Variants in RPUSD3 observed in about 807,000 individuals in gnomAD.
RPUSD3 encodes the protein mitochondrial mRNA pseudouridine synthase RPUSD3.
RPUSD3 carries 36 observed loss-of-function variants against 35.1 expected under a neutral mutation model. The ratio of observed to expected loss-of-function variants is 1.02; its 90% CI spans 0.79 to 1.35. The LOEUF (loss-of-function observed/expected upper bound fraction) is 1.35, where lower values mean the gene tolerates loss of function less well. Among genes scored for constraint, RPUSD3 ranks in the 40% most tolerant of loss-of-function variants. The pLI, the probability that RPUSD3 is intolerant of heterozygous loss-of-function variation, is 0.00. For missense variants in RPUSD3, 486 were observed against 441.9 expected, an observed-to-expected ratio of 1.10 and a Z score of -0.89; for synonymous variants, 202 against 187.8, an observed-to-expected ratio of 1.08 and a Z score of -0.62.
chr3:9,840,550 G>A (rs557385967), exon 6 of RPUSD3: 57 of 1,614,006 alleles, frequency 3.5e-5, no homozygotes, highest in African/African-American at 2.7e-5. Context: ...CCCCATCAAT[G>A]TGTTCCAGTT....
exon 9 of RPUSD3, chr3:9,838,145 G>C: frequency 6.2e-7 from 1 of 1,612,262 alleles, no homozygotes; most frequent in Non-Finnish European, 8.5e-7. Context: ...GGAGGTGCAA[G>C]GGCAGCTGGG....
chr3:9,842,579 C>T, intron 2 of RPUSD3: 1 of 402,908 alleles, frequency 2.5e-6, no homozygotes. Context: ...TTAGTTTATG[C>T]ATAGCACTTA....
chr3:9,843,867 T>G, intron 1 of RPUSD3, 23 bp downstream of exon 1: 1 of 1,591,858 alleles, frequency 6.3e-7, no homozygotes, highest in South Asian at 1.1e-5. Context: ...CCGTCCCGCA[T>G]GAGAGAGGGG....
chr3:9,842,373 C>T, intron 2 of RPUSD3, 130 bp from the exon 3 acceptor site: 2 of 871,440 alleles, frequency 2.3e-6, no homozygotes, highest in East Asian at 2.5e-5. Context: ...CATGAGTTAA[C>T]TACCCCACAC....
At chr3:9,841,012 C>T (rs1158726027) in intron 4 of RPUSD3, 9 of 403,504 alleles carry the variant, frequency 2.2e-5, no homozygotes, top group Admixed American at 4.3e-5. Flanking sequence ...CCCCGGCCCC[C>T]AGGGAACTCA....
intron 7 of RPUSD3, 75 bp from the exon 8 acceptor site, chr3:9,839,246 T>C: frequency 6.6e-7 from 1 of 1,519,058 alleles, no homozygotes; most frequent in Non-Finnish European, 8.9e-7. Context: ...TCCTCCCCTT[T>C]TCCTTTGGGG....
exon 2 of RPUSD3, chr3:9,843,581 C>T (rs1401373159): frequency 3.1e-6 from 5 of 1,613,732 alleles, no homozygotes; most frequent in Non-Finnish European, 1.7e-6. Context: ...TTGGCAGGAG[C>T]CGCGGGGTTG....
chr3:9,840,712 G>C, exon 5 of RPUSD3: 1 of 1,614,116 alleles, frequency 6.2e-7, no homozygotes, highest in East Asian at 2.2e-5. Flanking sequence ...AGGTGGCTGT[G>C]GGCCTTTGGG....
intron 2 of RPUSD3, 58 bp downstream of exon 2, chr3:9,843,407 C>T: frequency 3.1e-6 from 5 of 1,603,432 alleles, no homozygotes; most frequent in Non-Finnish European, 4.3e-6. Flanking sequence ...GAGAGCCCAA[C>T]TGCACGCCGA....
At chr3:9,840,298 C>G in exon 7 of RPUSD3, 1 of 1,614,124 alleles carries the variant, frequency 6.2e-7, no homozygotes, top group South Asian at 1.1e-5. Context: ...GGGGCCTTCA[C>G]TGGAACTGTC....
Position 9,840,454 on chromosome 3 carries a change from C to T in RPUSD3, c.600+78G>A, listed in dbSNP as rs750304481. 17 of 1,595,130 alleles carry T rather than the reference C, an allele frequency of 1.1e-5. No individual in the cohort carries two copies. The African/African-American group carries it at 2.1e-4, about 20-fold the overall frequency. ...TAGGGGACAGGAGAGCCAGCCATCCCAAATCCATACCCCTGACTCCTCTCT... is the reference window on the plus strand; with the variant it reads ...TAGGGGACAGGAGAGCCAGCCATCCTAAATCCATACCCCTGACTCCTCTCT... On this transcript the variant is annotated intron_variant, in intron 6 of 8. Transcript: ENST00000383820.
At chr3:9,843,540 C>T in exon 2 of RPUSD3, 3 of 1,613,846 alleles carry the variant, frequency 1.9e-6, no homozygotes, top group Non-Finnish European at 2.5e-6. Flanking sequence ...AGCAGCCCCG[C>T]GAAGGGCTGG....
intron 7 of RPUSD3, chr3:9,839,965 C>T: frequency 2.2e-6 from 1 of 456,312 alleles, no homozygotes; most frequent in East Asian, 4.5e-5. Flanking sequence ...ATTGCAACTT[C>T]TGCCTCCCAG....
chr3:9,839,355 C>T, intron 7 of RPUSD3, 184 bp from the exon 8 acceptor site: 2 of 589,302 alleles, frequency 3.4e-6, no homozygotes, highest in Non-Finnish European at 5.7e-6. Flanking sequence ...ACGATCACAG[C>T]TATCAATCTG....
At chr3:9,842,340 A>G (rs1018139292) in intron 2 of RPUSD3, 97 bp from the exon 3 acceptor site, 1 of 1,172,598 alleles carries the variant, frequency 8.5e-7, no homozygotes, top group Non-Finnish European at 1.3e-6. Context: ...ATCTTAGCAC[A>G]TGTCCCCATC....
At chr3:9,842,961 G>A (rs1017522288) in intron 2 of RPUSD3, 1 of 158,802 alleles carries the variant, frequency 6.3e-6, no homozygotes, top group South Asian at 1.7e-4. Context: ...GCACGATGTC[G>A]GCTCACTGCA....
intron 7 of RPUSD3, 120 bp downstream of exon 7, chr3:9,840,064 T>G (rs1559234814): frequency 4.5e-6 from 6 of 1,334,086 alleles, no homozygotes; most frequent in Non-Finnish European, 6.1e-6. Context: ...TAGTTTTTAG[T>G]TGAAACAGGG....
chr3:9,842,853 C>T (rs539810764), intron 2 of RPUSD3: 1 of 154,914 alleles, frequency 6.5e-6, no homozygotes, highest in South Asian at 2.0e-4. Flanking sequence ...ATGTCTGACT[C>T]CAAAGCCTGT....
At chr3:9,838,318 C>G in intron 8 of RPUSD3, 111 bp from the exon 9 acceptor site, 4 of 992,074 alleles carry the variant, frequency 4.0e-6, no homozygotes, top group Non-Finnish European at 6.1e-6. Context: ...CCCCACTGTT[C>G]TGCAACTGTT....
Sources: allele counts gnomAD v4.1 joint callset, GRCh38; gene constraint gnomAD v4.1.1; transcripts MANE v1.5; gene names NCBI Gene and HGNC (gene_info 2026-07-23, HGNC 2026-07-21).